Variants in TBCD observed in about 807,000 individuals in gnomAD.
TBCD encodes tubulin-specific chaperone D.
TBCD carries 105 observed loss-of-function variants against 169.3 expected under a neutral mutation model. The observed-to-expected ratio is 0.62, with a 90% CI of 0.53 to 0.73. TBCD has a LOEUF of 0.73. Ranked by LOEUF, TBCD falls within the 30% of genes least tolerant of loss-of-function variation. The probability of loss-of-function intolerance (pLI) is 0.00; values close to 1 mark genes in which losing one functional copy is unlikely to be tolerated. For synonymous variants in TBCD, 700 were observed against 643.9 expected, an observed-to-expected ratio of 1.09 and a Z score of -1.32; for missense variants, 1,444 against 1,600.1, an observed-to-expected ratio of 0.90 and a Z score of 1.66.
In TBCD at chr17:82,752,316, C is replaced by T. The variant is rs1028253262; in HGVS notation, c.123C>T (p.Gly41=). The change falls in exon 1 of 39, where the codon GGC becomes GGT. Residue 41 remains glycine, a synonymous_variant. Transcript: ENST00000355528. The part of the protein sequence containing the change: ...GESAETRALL[G]RLREVHGGGA... The stretch of plus-strand genomic sequence containing the variant: ...GCGCGGAGACCCGGGCGCTGCTGGG[C>T]CGCCTGCGGGAGGTGCACGGCGGCG... The T allele has an allele frequency of 6.7e-6, 10 of 1,485,806 alleles. No individual in the cohort carries two copies. In the Admixed American group the frequency reaches 9.3e-5, roughly 14 times the overall value. 92.0% of individuals were successfully genotyped at this position (1,485,806 alleles called of 1,614,324 possible). A position where few individuals can be genotyped will look rare whatever the true frequency, so the allele number is the denominator to read the frequency against.
intron 13 of TBCD, among the ~76,000 whole-genome samples, chr17:82,821,986 C>T (rs141712948): frequency 1.0e-3 from 153 of 152,218 alleles, no homozygotes; most frequent in Non-Finnish European, 1.6e-3. Context: ...TTGGAGCACA[C>T]GCTCTCAGTG....
At chr17:82,876,231 C>T (rs537225265) in intron 14 of TBCD, among the ~76,000 whole-genome samples, 2 of 152,282 alleles carry the variant, frequency 1.3e-5, no homozygotes, top group Admixed American at 6.5e-5. Flanking sequence ...AAAGAGAATC[C>T]CTTTCTGTTT....
intron 13 of TBCD, among the ~76,000 whole-genome samples, chr17:82,858,276 T>G (rs1178936933): frequency 2.0e-5 from 3 of 152,208 alleles, no homozygotes; most frequent in Admixed American, 6.5e-5. Flanking sequence ...CTGTGACATA[T>G]AAACATGAAG....
At chr17:82,894,344 C>G (rs1473558337) in intron 17 of TBCD, among the ~76,000 whole-genome samples, 3 of 152,170 alleles carry the variant, frequency 2.0e-5, no homozygotes, top group African/African-American at 7.2e-5. Flanking sequence ...GAGACAGAAT[C>G]TAGCTCTGTT....
chr17:82,885,092 G>A (rs1044086202), intron 15 of TBCD, among the ~76,000 whole-genome samples: 3 of 152,140 alleles, frequency 2.0e-5, no homozygotes, highest in Non-Finnish European at 2.9e-5. Flanking sequence ...TGAGGGAGCC[G>A]TTCACACTCC....
chr17:82,841,616 CA>C (rs1218613479), intron 13 of TBCD, among the ~76,000 whole-genome samples: 1 of 152,154 alleles, frequency 6.6e-6, no homozygotes, highest in African/African-American at 2.4e-5. Context: ...AGTCTTATGA[CA>C]AAAAACAGCA....
rs531448735 is a variant in TBCD, at chr17:82,922,699, C to T, written c.2179-953C>T. Among the ~76,000 whole-genome samples, 8 of 152,316 alleles carry T rather than the reference C, an allele frequency of 5.3e-5. No homozygotes were observed. Among genetic ancestry groups the T allele is most frequent in the East Asian group, 3.9e-4 (2 of 5,186 alleles). On this transcript the variant is annotated intron_variant, in intron 25 of 38. Coordinates refer to ENST00000355528, the MANE Select transcript of TBCD (RefSeq NM_005993.5). The surrounding 1 kb of genome is among the most constrained non-coding windows in gnomAD (Gnocchi z 4.1). ...CCTGGGATTGGCACAGGTGGTGACT[C>T]GTGGAATGCAGCACCCTGTAGACGA...
At chr17:82,853,601 C>G (rs559474325) in intron 13 of TBCD, among the ~76,000 whole-genome samples, 1 of 151,862 alleles carries the variant, frequency 6.6e-6, no homozygotes, top group Non-Finnish European at 1.5e-5. Context: ...GAGACGGTCT[C>G]ACCATCTAGC....
Position 82,889,725 on chromosome 17 carries a change from C to G in TBCD, c.1563+28C>G, listed in dbSNP as rs765883898. 1.8e-5 allele frequency: 29 copies of G among 1,611,524 alleles called. No individual in the cohort carries two copies. Among genetic ancestry groups the G allele is most frequent in the Non-Finnish European group, 2.5e-5 (29 of 1,179,112 alleles). ...ATGGCTGCTTTCAAACACCTTTATT[C>G]CAAAAACTTCCTGCGGGTTTATAGG... On this transcript the variant is annotated intron_variant, in intron 16 of 38. Coordinates refer to ENST00000355528, the MANE Select transcript of TBCD (RefSeq NM_005993.5). This position sits in a 1 kb window ranked among gnomAD's most constrained non-coding sequence, Gnocchi z 5.3.
At chr17:82,838,273 G>T (rs532871360) in intron 13 of TBCD, among the ~76,000 whole-genome samples, 2 of 152,216 alleles carry the variant, frequency 1.3e-5, no homozygotes, top group South Asian at 4.1e-4. Context: ...GTGAGAAGTT[G>T]GGATGCTTAA....
At chr17:82,883,452 GACAT>G (rs1433869178) in intron 14 of TBCD, among the ~76,000 whole-genome samples, 2 of 152,364 alleles carry the variant, frequency 1.3e-5, no homozygotes, top group African/African-American at 4.8e-5. Flanking sequence ...CTCACAAGAG[GACAT>G]AATGAAGCCC....
intron 12 of TBCD, among the ~76,000 whole-genome samples, chr17:82,811,495 G>A (rs1466289486): frequency 1.3e-5 from 2 of 152,150 alleles, no homozygotes; most frequent in African/African-American, 4.8e-5. Flanking sequence ...TCTGGGACGG[G>A]GTGGCCTTTT....
intron 15 of TBCD, among the ~76,000 whole-genome samples, chr17:82,887,162 T>TGCGCGCGC (rs1443314838): frequency 4.7e-4 from 50 of 107,326 alleles, no homozygotes; most frequent in African/African-American, 2.0e-3. Flanking sequence ...TGTGTGTGTG[T>TGCGCGCGC]GTGTGTGCGC....
At chr17:82,839,804 C>T (rs1011028395) in intron 13 of TBCD, 8 of 152,222 alleles carry the variant, frequency 5.3e-5, no homozygotes, top group Non-Finnish European at 7.3e-5. Context: ...GAGTAATCCT[C>T]GGAGCCCAGA....
chr17:82,830,344 G>T (rs61729341), intron 13 of TBCD: 1 of 1,613,688 alleles, frequency 6.2e-7, no homozygotes, highest in Non-Finnish European at 8.5e-7. Flanking sequence ...TTCCGGGGCC[G>T]CAGCATCCCC....
intron 13 of TBCD, among the ~76,000 whole-genome samples, chr17:82,840,874 C>T (rs2054424537): frequency 6.7e-6 from 1 of 149,878 alleles, no homozygotes; most frequent in African/African-American, 2.5e-5. Context: ...TGGTGTCAGG[C>T]CCTTGGATGA....
rs2058296950 is a variant in TBCD, at chr17:82,880,739, T to C, written c.1476-3406T>C. Among the ~76,000 whole-genome samples, 1 of 152,132 alleles carries C rather than the reference T, an allele frequency of 6.6e-6. No homozygotes were observed. Among genetic ancestry groups the C allele is most frequent in the African/African-American group, 2.4e-5 (1 of 41,428 alleles). On this transcript the variant is annotated intron_variant, in intron 14 of 38. Coordinates refer to ENST00000355528, the MANE Select transcript of TBCD (RefSeq NM_005993.5). The surrounding 1 kb of genome is among the most constrained non-coding windows in gnomAD (Gnocchi z 5.0). ...TGACACCTGTCTGTCCGTCCGTCTG[T>C]CCACAGGAGCAGGAGGGGCTGGGCG...
At chr17:82,901,016 G>A (rs1357444794) in intron 18 of TBCD, among the ~76,000 whole-genome samples, 1 of 152,236 alleles carries the variant, frequency 6.6e-6, no homozygotes, top group Non-Finnish European at 1.5e-5. Context: ...CCGAGGGGGC[G>A]CGGGCGTAGC....
intron 6 of TBCD, among the ~76,000 whole-genome samples, chr17:82,781,036 C>T (rs896895116): frequency 6.6e-6 from 1 of 151,918 alleles, no homozygotes; most frequent in African/African-American, 2.4e-5. Flanking sequence ...TGAGCACTGC[C>T]TGGAACACGA....
Sources: allele counts gnomAD v4.1 joint callset (sites outside exome capture counted in the v4.1 genomes callset), GRCh38; gene constraint gnomAD v4.1.1; non-coding constraint Gnocchi (gnomAD v3.1); transcripts MANE v1.5; gene names NCBI Gene and HGNC (gene_info 2026-07-23, HGNC 2026-07-21).